ADAMTSL3: variants seen among roughly 807,000 people sequenced by gnomAD.
The protein encoded by ADAMTSL3 is ADAMTS-like protein 3.
Under a neutral mutation model 201.7 loss-of-function variants are expected in ADAMTSL3, and 128 were observed. The ratio of observed to expected loss-of-function variants is 0.63; its 90% CI spans 0.55 to 0.73. The LOEUF (loss-of-function observed/expected upper bound fraction) is 0.73, where lower values mean the gene tolerates loss of function less well. Among genes scored for constraint, ADAMTSL3 ranks in the 30% least tolerant of loss-of-function variants. The probability of loss-of-function intolerance (pLI) is 0.00; values close to 1 mark genes in which losing one functional copy is unlikely to be tolerated. For missense variants in ADAMTSL3, 1,990 were observed against 2,119.6 expected, an observed-to-expected ratio of 0.94 and a Z score of 1.20; for synonymous variants, 738 against 748.4, an observed-to-expected ratio of 0.99 and a Z score of 0.23.
rs1170088950 is a variant in ADAMTSL3, at chr15:84,021,598, G to T, written c.4457+5G>T. On this transcript the variant is annotated splice_donor_5th_base_variant and intron_variant, in intron 26 of 29. Coordinates refer to ENST00000286744, the MANE Select transcript of ADAMTSL3 (RefSeq NM_207517.3). ...CATCCGGGACTGCCCAGCGAGGTAA[G>T]TGAAGTCACTCTTTGTATCTCATCA... is the stretch of plus-strand genomic sequence containing the variant. 3.1e-6 allele frequency: 5 copies of T among 1,613,246 alleles called. No individual in the cohort carries two copies. Among genetic ancestry groups the T allele is most frequent in the Non-Finnish European group, 4.2e-6 (5 of 1,179,482 alleles).
intron 28 of ADAMTSL3, 104 bp downstream of exon 28, chr15:84,031,536 CAT>C (rs1231612274): frequency 1.4e-5 from 14 of 978,538 alleles, no homozygotes; most frequent in Non-Finnish European, 2.2e-5. Context: ...TACCAACTCT[CAT>C]AATTGACAGT....
chr15:83,822,627 T>C (rs1441981335), intron 6 of ADAMTSL3, among the ~76,000 whole-genome samples: 4 of 142,458 alleles, frequency 2.8e-5, no homozygotes, highest in South Asian at 2.3e-4. Context: ...CCTCACTTCC[T>C]AGATGGGATG....
intron 24 of ADAMTSL3, among the ~76,000 whole-genome samples, chr15:84,015,635 G>A (rs957577657): frequency 2.6e-5 from 4 of 152,168 alleles, no homozygotes; most frequent in Non-Finnish European, 5.9e-5. Flanking sequence ...TCTTAGTACT[G>A]ACAAAGGCAG....
At chr15:83,684,595 A>C (rs1402420290) in intron 2 of ADAMTSL3, among the ~76,000 whole-genome samples, 6 of 152,116 alleles carry the variant, frequency 3.9e-5, no homozygotes, top group Non-Finnish European at 8.8e-5. Context: ...AAACAACCAA[A>C]AAACCCACTT....
chr15:83,770,539 T>C (rs2062964741), intron 3 of ADAMTSL3, among the ~76,000 whole-genome samples: 6 of 152,262 alleles, frequency 3.9e-5, no homozygotes, highest in Admixed American at 6.5e-5. Flanking sequence ...AAATGATATA[T>C]GTGTTTTTAT....
chr15:83,913,171 C>A lies in ADAMTSL3; in HGVS notation c.1780C>A (p.Leu594Ile), dbSNP rs775578645. Residue 594 changes from leucine to isoleucine, a missense_variant, in exon 16 of 30, where the codon CTC (leucine) becomes ATC (isoleucine). Coordinates refer to ENST00000286744, the MANE Select transcript of ADAMTSL3 (RefSeq NM_207517.3). ...VQVREVKCRV[L>I]LTFTQTETEL... Reference sequence around the variant, plus strand: ...GGTCCGTGAGGTGAAGTGCCGTGTGCTCCTCACATTCACGCAGACTGAGAC... The same window carrying A: ...GGTCCGTGAGGTGAAGTGCCGTGTGATCCTCACATTCACGCAGACTGAGAC... 4 of 1,614,158 alleles carry A rather than the reference C, an allele frequency of 2.5e-6. No homozygotes were observed. Among genetic ancestry groups the A allele is most frequent in the Non-Finnish European group, 3.4e-6 (4 of 1,180,022 alleles).
At chr15:83,971,206 G>T (rs982921743) in intron 20 of ADAMTSL3, among the ~76,000 whole-genome samples, 2 of 152,130 alleles carry the variant, frequency 1.3e-5, no homozygotes, top group Non-Finnish European at 2.9e-5. Context: ...GCATTCATCT[G>T]TATTTTCAGT....
In ADAMTSL3 at chr15:83,819,918, T is replaced by C. The variant is rs1445699514; in HGVS notation, c.471T>C (p.Pro157=). ...YYEWLPRYND[P]AAPCALKCHA... ...AATGGCTTCCACGATATAATGATCC[T>C]GCTGCCCCGTGTGCACTCAAGTGTC... Residue 157 remains proline, a synonymous_variant, in exon 6 of 30, where the codon CCT becomes CCC. Coordinates refer to ENST00000286744, the MANE Select transcript of ADAMTSL3 (RefSeq NM_207517.3). The C allele has an allele frequency of 1.8e-5, 29 of 1,614,024 alleles. No individual in the cohort carries two copies. The highest frequency in any genetic ancestry group is 2.5e-5 in the Non-Finnish European group (29 of 1,180,028).
chr15:83,783,659 T>C (rs1401902036), intron 4 of ADAMTSL3, among the ~76,000 whole-genome samples: 2 of 151,814 alleles, frequency 1.3e-5, no homozygotes, highest in African/African-American at 2.4e-5. Flanking sequence ...AGAGGAATCA[T>C]GAAAATATAT....
chr15:83,771,520 T>C (rs891908059), intron 3 of ADAMTSL3, among the ~76,000 whole-genome samples: 3 of 152,218 alleles, frequency 2.0e-5, no homozygotes, highest in Admixed American at 2.0e-4. Context: ...AGATACCTCA[T>C]ATAAATGGAA....
At chr15:83,738,450 A>G (rs1460084884) in intron 3 of ADAMTSL3, among the ~76,000 whole-genome samples, 1 of 152,224 alleles carries the variant, frequency 6.6e-6, no homozygotes, top group Non-Finnish European at 1.5e-5. Context: ...TGAACCTTCT[A>G]AAATTCTGTG....
At chr15:83,814,027 G>A (rs561721787) in intron 5 of ADAMTSL3, among the ~76,000 whole-genome samples, 1 of 152,256 alleles carries the variant, frequency 6.6e-6, no homozygotes, top group Non-Finnish European at 1.5e-5. Flanking sequence ...TGTTTTTGTG[G>A]CATGAACACA....
intron 28 of ADAMTSL3, among the ~76,000 whole-genome samples, chr15:84,032,314 C>A (rs1436994002): frequency 6.6e-6 from 1 of 152,176 alleles, no homozygotes; most frequent in Non-Finnish European, 1.5e-5. Flanking sequence ...ATGAGATGAC[C>A]TTGACAGTTG....
At chr15:83,801,482 A>G (rs181349227) in intron 4 of ADAMTSL3, among the ~76,000 whole-genome samples, 2 of 151,476 alleles carry the variant, frequency 1.3e-5, no homozygotes, top group East Asian at 1.9e-4. Flanking sequence ...GAAAAACTGC[A>G]AAGGAAAAAG....
At chr15:83,820,653 G>A (rs1301754886) in intron 6 of ADAMTSL3, among the ~76,000 whole-genome samples, 1 of 152,084 alleles carries the variant, frequency 6.6e-6, no homozygotes. Flanking sequence ...GGATCTTTGG[G>A]CACAATGATT....
At chr15:83,724,797 T>C (rs2062149654) in intron 3 of ADAMTSL3, among the ~76,000 whole-genome samples, 1 of 152,174 alleles carries the variant, frequency 6.6e-6, no homozygotes, top group African/African-American at 2.4e-5. Context: ...ACTGAGAACA[T>C]GTGAAGTTTG....
intron 25 of ADAMTSL3, among the ~76,000 whole-genome samples, chr15:84,017,950 T>G (rs1430752625): frequency 6.6e-6 from 1 of 152,168 alleles, no homozygotes; most frequent in African/African-American, 2.4e-5. Flanking sequence ...GCCCTACCTC[T>G]CTCTAGAGAA....
At chr15:83,710,876 G>T (rs1052509650) in intron 3 of ADAMTSL3, among the ~76,000 whole-genome samples, 1 of 152,150 alleles carries the variant, frequency 6.6e-6, no homozygotes, top group African/African-American at 2.4e-5. Flanking sequence ...GAGGAACAGT[G>T]TCTTGTCCAA....
At chr15:83,679,236 GT>G (rs1303177367) in intron 2 of ADAMTSL3, among the ~76,000 whole-genome samples, 1 of 151,790 alleles carries the variant, frequency 6.6e-6, no homozygotes, top group Non-Finnish European at 1.5e-5. Context: ...TTTTTTGTTT[GT>G]TTCAAGAGTG....
Sources: gnomAD v4.1 joint callset for allele counts (sites outside exome capture counted in the v4.1 genomes callset) on GRCh38, gnomAD v4.1.1 for gene constraint, MANE v1.5 for transcripts, NCBI Gene and HGNC (gene_info 2026-07-23, HGNC 2026-07-21) for gene names.